The following GREP1 variants were observed in gnomAD, a reference collection of about 807,000 sequenced individuals.
The protein encoded by GREP1 is glycine-rich extracellular protein 1.
chr16:2,999,419 G>A, intron 27 of GREP1: 1 of 388,394 alleles, frequency 2.6e-6, no homozygotes, highest in East Asian at 3.7e-5. Context: ...TCCCTAGGCT[G>A]CCTAAGCTAT....
chr16:2,996,866 CTG>C (rs781243800), intron 20 of GREP1, 161 bp downstream of exon 19: 12 of 399,070 alleles, frequency 3.0e-5, no homozygotes, highest in Non-Finnish European at 4.4e-5. Flanking sequence ...TGGGGAGAGA[CTG>C]AGAGCCCCCT....
intron 22 of GREP1, chr16:2,997,499 G>A (rs1245728189): frequency 5.0e-6 from 2 of 398,528 alleles, no homozygotes; most frequent in African/African-American, 4.1e-5. Flanking sequence ...CCTGTACTGA[G>A]GGTTTTCTTG....
At chr16:2,994,860 C>T in intron 12 of GREP1, 22 bp downstream of exon 13, 1 of 399,242 alleles carries the variant, frequency 2.5e-6, no homozygotes, top group Admixed American at 4.4e-5. Flanking sequence ...CCCGGCCTGT[C>T]CCTCTGCCTC....
intron 27 of GREP1, chr16:2,999,413 T>G: frequency 3.3e-6 from 1 of 307,054 alleles, no homozygotes. Flanking sequence ...CCTTTTTCCC[T>G]AGGCTGCCTA....
chr16:2,995,156 C>A (rs75028384), intron 13 of GREP1, 128 bp from the exon 15 acceptor site: 2 of 395,470 alleles, frequency 5.1e-6, no homozygotes, highest in Non-Finnish European at 8.9e-6. Flanking sequence ...ACAAGCCCCC[C>A]ACCTCAGAAT....
Position 2,994,655 on chromosome 16 carries a change from A to C in GREP1, c.386-43A>C, listed in dbSNP as rs2072415399. 1.0e-5 allele frequency: 4 copies of C among 399,034 alleles called. No individual in the cohort carries two copies. The East Asian group carries it at 1.4e-4, about 14-fold the overall frequency. 24.7% of individuals were successfully genotyped at this position (399,034 alleles called of 1,614,324 possible). On this transcript the variant is annotated intron_variant, in intron 10 of 34. Transcript: ENST00000573315. ...CCTGCCCGAGGTGGCTGGAGATGGC[A>C]TCCAGGGCTCCGGAGGGCCTTAACC...
chr16:2,992,517 T>C lies in GREP1; in HGVS notation c.323-288T>C, dbSNP rs1282317463. ...ACACTCTGGGTCCCAACAGATGGGCTCTTGGGGGTTCATTCATTCACCCAA... is the reference window on the plus strand; with the variant it reads ...ACACTCTGGGTCCCAACAGATGGGCCCTTGGGGGTTCATTCATTCACCCAA... On this transcript the variant is annotated intron_variant, in intron 8 of 34. Coordinates refer to ENST00000573315, the Ensembl canonical transcript of GREP1. The surrounding 1 kb of genome is among the most constrained non-coding windows in gnomAD (Gnocchi z 4.9). 1.4e-5 allele frequency: 4 copies of C among 276,396 alleles called. No homozygotes were observed. The highest frequency in any genetic ancestry group is 2.7e-5 in the Non-Finnish European group (4 of 148,698). 17.1% of individuals were successfully genotyped at this position (276,396 alleles called of 1,614,324 possible).
chr16:2,996,049 C>T (rs2072422881), intron 18 of GREP1: 1 of 387,284 alleles, frequency 2.6e-6, no homozygotes, highest in Non-Finnish European at 4.6e-6. Context: ...TCTCCTACCT[C>T]TGCCTCCCAA....
chr16:2,994,261 A>C (rs1023044854), intron 10 of GREP1: 2 of 152,964 alleles, frequency 1.3e-5, no homozygotes, highest in Non-Finnish European at 2.9e-5. Context: ...TAATCCCAGC[A>C]CTTTGGGAGG....
chr16:2,994,900 A>C (rs983638045), intron 12 of GREP1, 27 bp from the exon 14 acceptor site: 9 of 399,018 alleles, frequency 2.3e-5, no homozygotes, highest in African/African-American at 1.0e-4. Context: ...CCCCTCATTC[A>C]TACCCCGCCT....
rs2072406147 is a variant in GREP1 at position 2,992,910 on chromosome 16, A to G, written c.353-21A>G. ...ACAGGCCCAGAGGAAAGGATCCCTC[A>G]CCCTCTCATCTTCCCCCCAGGCTTT... On this transcript the variant is annotated intron_variant, in intron 9 of 34. Transcript: ENST00000573315. This position sits in a 1 kb window ranked among gnomAD's most constrained non-coding sequence, Gnocchi z 4.9. The G allele has an allele frequency of 2.5e-6, 1 of 398,748 alleles. No homozygotes were observed. Among genetic ancestry groups the G allele is most frequent in the Non-Finnish European group, 4.4e-6 (1 of 226,058 alleles). 24.7% of individuals were successfully genotyped at this position (398,748 alleles called of 1,614,324 possible).
intron 23 of GREP1, among the ~76,000 whole-genome samples, 172 bp from the exon 22 acceptor site, chr16:2,998,183 TC>T (rs2072436738): frequency 6.6e-6 from 1 of 151,790 alleles, no homozygotes; most frequent in Non-Finnish European, 1.5e-5. Context: ...GGTCCCCCAC[TC>T]CAACCCCGCC....
chr16:3,001,139 C>G (rs895718032), intron 33 of GREP1, 142 bp from the exon 28 acceptor site: 2 of 397,884 alleles, frequency 5.0e-6, no homozygotes, highest in African/African-American at 4.1e-5. Flanking sequence ...TCCCTCTCCC[C>G]CCGGTCCTCT....
intron 2 of GREP1, chr16:2,988,899 A>G: frequency 2.7e-6 from 1 of 375,294 alleles, no homozygotes; most frequent in East Asian, 3.8e-5. Context: ...GGGCGGACCC[A>G]CCGGCAGGCC....
In GREP1 at chr16:2,996,476, C is replaced by G. The variant is rs1031510505; in HGVS notation, c.677-20C>G. On this transcript the variant is annotated intron_variant, in intron 18 of 34. Transcript: ENST00000573315. The stretch of plus-strand genomic sequence containing the variant: ...CCTCCGAATGCCGCCGTCTCACACC[C>G]TCCCCGTCCCTCCCCCTAGAATATG... 4 of 399,014 alleles carry G rather than the reference C, an allele frequency of 1.0e-5. No homozygotes were observed. The highest frequency in any genetic ancestry group is 8.8e-5 in the Admixed American group (2 of 22,722). The allele number at this position is 399,014 out of a possible 1,614,324, so 24.7% of individuals were successfully genotyped here.
At chr16:2,995,144 C>T (rs966886237) in intron 13 of GREP1, 140 bp from the exon 15 acceptor site, 4 of 397,688 alleles carry the variant, frequency 1.0e-5, no homozygotes, top group Admixed American at 4.4e-5. Context: ...CCTCCCACCC[C>T]GACAAGCCCC....
At chr16:2,990,107 C>T (rs2072390894) in exon 5 of GREP1, 1 of 399,314 alleles carries the variant, frequency 2.5e-6, no homozygotes, top group Non-Finnish European at 4.4e-6. Flanking sequence ...CAGGCATGGG[C>T]TGGGAACCCA....
At chr16:2,993,123 G>A in intron 10 of GREP1, 160 bp downstream of exon 11, 1 of 393,586 alleles carries the variant, frequency 2.5e-6, no homozygotes. Context: ...TGGAACCCAG[G>A]CAGGTAAGGC....
In GREP1 at chr16:2,988,469, G is replaced by A. The variant is rs376767822; in HGVS notation, c.68-121G>A. The A allele has an allele frequency of 7.5e-6, 3 of 399,150 alleles. No homozygotes were observed. In the East Asian group the frequency reaches 1.1e-4, roughly 14 times the overall value. 24.7% of individuals were successfully genotyped at this position (399,150 alleles called of 1,614,324 possible). On this transcript the variant is annotated intron_variant, in intron 1 of 34. Coordinates refer to ENST00000573315, the Ensembl canonical transcript of GREP1. The stretch of plus-strand genomic sequence containing the variant: ...GGAGGGCTGGGGTGTGGAAAGCCTG[G>A]TCTGGGCAGAGAATTCAGACAGTGA...
Sources: gnomAD v4.1 joint callset for allele counts (sites outside exome capture counted in the v4.1 genomes callset) on GRCh38, gnomAD v4.1.1 for gene constraint, Gnocchi (gnomAD v3.1) non-coding constraint, MANE v1.5 for transcripts, NCBI Gene and HGNC (gene_info 2026-07-23, HGNC 2026-07-21) for gene names.